Variants in TPD52L1 observed in about 807,000 individuals in gnomAD.
TPD52L1 encodes the protein tumor protein D53.
TPD52L1 carries 18 observed loss-of-function variants against 28.7 expected under a neutral mutation model. The observed-to-expected ratio is 0.63, with a 90% CI of 0.43 to 0.93. The LOEUF is 0.93. Ranked by LOEUF, TPD52L1 falls within the 40% of genes least tolerant of loss-of-function variation. TPD52L1 has a pLI of 0.00. For synonymous variants in TPD52L1, 75 were observed against 88.8 expected (o/e 0.84, Z 0.88); for missense variants, 203 against 254.8 (o/e 0.80, Z 1.39).
intron 2 of TPD52L1, among the ~76,000 whole-genome samples, chr6:125,225,363 C>G (rs1795541798): frequency 6.6e-6 from 1 of 152,100 alleles, no homozygotes; most frequent in Non-Finnish European, 1.5e-5. Flanking sequence ...GGGTATATAC[C>G]TAACAGTGGA....
intron 1 of TPD52L1, among the ~76,000 whole-genome samples, chr6:125,189,977 A>T (rs1257014867): frequency 1.3e-5 from 2 of 151,896 alleles, no homozygotes; most frequent in African/African-American, 4.8e-5. Flanking sequence ...CCTAAAACTC[A>T]CCTTTCCACT....
chr6:125,189,599 C>T (rs777242772), intron 1 of TPD52L1, among the ~76,000 whole-genome samples: 45 of 152,122 alleles, frequency 3.0e-4, no homozygotes, highest in Non-Finnish European at 5.1e-4. Context: ...TTTAACCTAA[C>T]TTATTTTTCT....
At chr6:125,155,175 C>G (rs186269883) in intron 1 of TPD52L1, among the ~76,000 whole-genome samples, 79 of 152,338 alleles carry the variant, frequency 5.2e-4, no homozygotes, top group Non-Finnish European at 7.9e-4. Flanking sequence ...ATAATTCAAC[C>G]AAGGGTGAGG....
intron 1 of TPD52L1, among the ~76,000 whole-genome samples, chr6:125,216,362 A>G (rs1794874246): frequency 6.6e-6 from 1 of 152,000 alleles, no homozygotes; most frequent in South Asian, 2.1e-4. Context: ...TGTTCACTGC[A>G]GCTTCCCAGC....
chr6:125,232,019 G>T (rs1433256808), intron 3 of TPD52L1, among the ~76,000 whole-genome samples: 1 of 152,134 alleles, frequency 6.6e-6, no homozygotes, highest in Non-Finnish European at 1.5e-5. Context: ...ACAATAATTC[G>T]TTTTGGCTCC....
At chr6:125,157,419 A>G (rs1177191651) in intron 1 of TPD52L1, among the ~76,000 whole-genome samples, 1 of 152,336 alleles carries the variant, frequency 6.6e-6, no homozygotes, top group Middle Eastern at 3.4e-3. Flanking sequence ...GAGGACTCTC[A>G]GGGGAGGTGG....
chr6:125,226,511 T>C (rs1795620887), intron 2 of TPD52L1, among the ~76,000 whole-genome samples: 1 of 152,134 alleles, frequency 6.6e-6, no homozygotes, highest in Non-Finnish European at 1.5e-5. Flanking sequence ...TCGTGGTTTT[T>C]AATACACTTA....
chr6:125,181,202 A>C (rs1247857314), intron 1 of TPD52L1, among the ~76,000 whole-genome samples: 1 of 152,202 alleles, frequency 6.6e-6, no homozygotes, highest in East Asian at 1.9e-4. Flanking sequence ...TAAGTAGTAA[A>C]CCTGATAATA....
chr6:125,228,192 G>C (rs1266185534), intron 2 of TPD52L1, among the ~76,000 whole-genome samples: 2 of 152,102 alleles, frequency 1.3e-5, no homozygotes, highest in Admixed American at 6.6e-5. Flanking sequence ...TCAGTCAGTG[G>C]CTGTCTGGTG....
intron 1 of TPD52L1, among the ~76,000 whole-genome samples, chr6:125,191,309 C>T (rs536560149): frequency 1.6e-4 from 24 of 152,256 alleles, no homozygotes; most frequent in South Asian, 2.1e-4. Flanking sequence ...ACCTGTATGT[C>T]GCTCATTGTC....
At chr6:125,187,079 T>C (rs1015399852) in intron 1 of TPD52L1, among the ~76,000 whole-genome samples, 1 of 152,140 alleles carries the variant, frequency 6.6e-6, no homozygotes, top group Non-Finnish European at 1.5e-5. Context: ...AATAGATTAA[T>C]ATCAATACAA....
chr6:125,172,665 A>T (rs75632401), intron 1 of TPD52L1, among the ~76,000 whole-genome samples: 5,645 of 141,248 alleles, frequency 0.04, 318 homozygotes, highest in East Asian at 0.3. Flanking sequence ...TTAGGTATAT[A>T]TATATATTTA....
intron 1 of TPD52L1, among the ~76,000 whole-genome samples, chr6:125,212,802 G>GTGTT (rs993039690): frequency 1.3e-5 from 2 of 152,208 alleles, no homozygotes; most frequent in Non-Finnish European, 2.9e-5. Context: ...TTAATTTGTG[G>GTGTT]TGTTGTTCAG....
At chr6:125,198,269 C>T (rs1398998988) in intron 1 of TPD52L1, among the ~76,000 whole-genome samples, 1 of 152,176 alleles carries the variant, frequency 6.6e-6, no homozygotes, top group Non-Finnish European at 1.5e-5. Flanking sequence ...CAATTTGAGT[C>T]TTCTGTGTCT....
At chr6:125,167,001 AATTCCAGCACTTTTGG>A (rs1299306505) in intron 1 of TPD52L1, among the ~76,000 whole-genome samples, 1 of 152,136 alleles carries the variant, frequency 6.6e-6, no homozygotes, top group African/African-American at 2.4e-5. Flanking sequence ...TCATGCCTGT[AATTCCAGCACTTTTGG>A]AGGCCGAGGC....
intron 1 of TPD52L1, among the ~76,000 whole-genome samples, chr6:125,202,766 CTTT>C (rs55761249): frequency 1.7e-5 from 2 of 116,438 alleles, no homozygotes; most frequent in Non-Finnish European, 1.7e-5. Context: ...GGAGGTTTAT[CTTT>C]TTTTTTTTTT....
intron 1 of TPD52L1, among the ~76,000 whole-genome samples, chr6:125,160,725 T>C (rs1002398252): frequency 1.4e-5 from 2 of 147,304 alleles, no homozygotes; most frequent in African/African-American, 5.4e-5. Flanking sequence ...TTCATCTATA[T>C]GAAAATGTGT....
chr6:125,158,761 G>T (rs1400032985), intron 1 of TPD52L1, among the ~76,000 whole-genome samples: 6 of 152,070 alleles, frequency 3.9e-5, no homozygotes, highest in Non-Finnish European at 5.9e-5. Flanking sequence ...TCTTATACAG[G>T]CATACCTTGG....
intron 1 of TPD52L1, among the ~76,000 whole-genome samples, chr6:125,207,310 A>G (rs1268057680): frequency 6.6e-6 from 1 of 152,162 alleles, no homozygotes; most frequent in Non-Finnish European, 1.5e-5. Flanking sequence ...CTGTAACCTA[A>G]CAGATTTGCA....
Sources: gnomAD v4.1 joint callset for allele counts (sites outside exome capture counted in the v4.1 genomes callset) on GRCh38, gnomAD v4.1.1 for gene constraint, MANE v1.5 for transcripts, NCBI Gene and HGNC (gene_info 2026-07-23, HGNC 2026-07-21) for gene names.